Variants in ATP8A2 observed in about 807,000 individuals in gnomAD.
The protein encoded by ATP8A2 is phospholipid-transporting ATPase IB.
In ATP8A2, 100 loss-of-function variants were observed where a neutral mutation model predicts 165.6. The observed-to-expected ratio is 0.60, with a 90% CI of 0.51 to 0.71. The LOEUF is 0.71. Ranked by LOEUF, ATP8A2 falls within the 30% of genes least tolerant of loss-of-function variation. The pLI, the probability that ATP8A2 is intolerant of heterozygous loss-of-function variation, is 0.00. For missense variants in ATP8A2, 1,227 were observed against 1,479.5 expected (o/e 0.83, Z 2.80); for synonymous variants, 543 against 548.8 (o/e 0.99, Z 0.15).
intron 35 of ATP8A2, among the ~76,000 whole-genome samples, chr13:25,985,429 GA>G (rs1956260980): frequency 6.6e-6 from 1 of 152,158 alleles, no homozygotes; most frequent in African/African-American, 2.4e-5. Flanking sequence ...GGTTCTTAAA[GA>G]ACTCTTATGT....
intron 1 of ATP8A2, among the ~76,000 whole-genome samples, chr13:25,464,636 T>A (rs1455553944): frequency 6.6e-6 from 1 of 151,940 alleles, no homozygotes; most frequent in Non-Finnish European, 1.5e-5. Context: ...CAAGTAACCA[T>A]CCCTGGTCCA....
Position 25,523,260 on chromosome 13 carries a change from G to A in ATP8A2, c.222-6739G>A, listed in dbSNP as rs143976437. 3.9e-3 allele frequency among the ~76,000 whole-genome samples: 593 copies of A among 150,242 alleles called. 6 individuals are homozygous for A. Among genetic ancestry groups the A allele is most frequent in the Non-Finnish European group, 4.1e-3 (276 of 67,636 alleles). On this transcript the variant is annotated intron_variant, in intron 2 of 36. Coordinates refer to ENST00000381655, the MANE Select transcript of ATP8A2 (RefSeq NM_016529.6). ...CCGTGATCTTCAATTTTTTTTCAAG[G>A]CTTTAGGATAACTTTTTTTTTTTTT...
intron 24 of ATP8A2, among the ~76,000 whole-genome samples, chr13:25,674,549 G>A (rs1213477682): frequency 6.6e-6 from 1 of 152,168 alleles, no homozygotes; most frequent in Non-Finnish European, 1.5e-5. Flanking sequence ...GGGCTGCAGG[G>A]AAGTGGTGTA....
At chr13:25,888,073 C>A (rs892432693) in intron 33 of ATP8A2, among the ~76,000 whole-genome samples, 2 of 133,010 alleles carry the variant, frequency 1.5e-5, no homozygotes, top group Non-Finnish European at 1.6e-5. Context: ...CCCAGACCCC[C>A]CCCCCGCCCC....
chr13:25,450,948 G>A (rs1232477748), intron 1 of ATP8A2, among the ~76,000 whole-genome samples: 1 of 152,022 alleles, frequency 6.6e-6, no homozygotes, highest in Non-Finnish European at 1.5e-5. Flanking sequence ...AAAATATTTT[G>A]TTTGGTGATC....
chr13:25,774,861 G>A lies in ATP8A2; in HGVS notation c.2581G>A (p.Glu861Lys), dbSNP rs1253139886. 1 of 1,610,788 alleles carries A rather than the reference G, an allele frequency of 6.2e-7. No individual in the cohort carries two copies. The highest frequency in any genetic ancestry group is 8.5e-7 in the Non-Finnish European group (1 of 1,177,358). Residue 861 changes from glutamate to lysine, a missense_variant, in exon 27 of 37, where the codon GAG becomes AAG. Glu to Lys is a moderately conservative substitution (Grantham distance 56). Coordinates refer to ENST00000381655, the MANE Select transcript of ATP8A2 (RefSeq NM_016529.6). Reference sequence around the variant, plus strand: ...TTTCCTTTTTCAGTTTTCCTACTTAGAGAAGCTTCTGTTGGTTCATGGAGC... The same window carrying A: ...TTTCCTTTTTCAGTTTTCCTACTTAAAGAAGCTTCTGTTGGTTCATGGAGC... ...DYAIAQFSYL[E>K]KLLLVHGAWS...
At chr13:25,983,379 G>A (rs1270585251) in intron 35 of ATP8A2, among the ~76,000 whole-genome samples, 1 of 152,152 alleles carries the variant, frequency 6.6e-6, no homozygotes, top group Non-Finnish European at 1.5e-5. Flanking sequence ...ACCCAACTGA[G>A]AGGAGCACAG....
chr13:25,619,766 A>G (rs74041041), intron 24 of ATP8A2, among the ~76,000 whole-genome samples: 2,252 of 152,348 alleles, frequency 0.015, 63 homozygotes, highest in African/African-American at 0.052. Context: ...GTTTTTCTGT[A>G]AAGGATCTGC....
intron 2 of ATP8A2, among the ~76,000 whole-genome samples, chr13:25,491,861 T>G (rs775845540): frequency 3.1e-4 from 47 of 152,206 alleles, no homozygotes; most frequent in Non-Finnish European, 4.6e-4. Flanking sequence ...GATAGAGCAT[T>G]GGTTTTGTTA....
chr13:25,649,813 C>A (rs190188386), intron 24 of ATP8A2, among the ~76,000 whole-genome samples: 352 of 152,274 alleles, frequency 2.3e-3, no homozygotes, highest in African/African-American at 8.0e-3. Flanking sequence ...GTAGCACTTT[C>A]CACCTCTTCC....
chr13:25,838,532 C>G (rs1323255761), intron 29 of ATP8A2, among the ~76,000 whole-genome samples: 2 of 151,548 alleles, frequency 1.3e-5, no homozygotes, highest in South Asian at 2.1e-4. Flanking sequence ...GCTGAGAATG[C>G]ACGGAAACTT....
chr13:25,591,284 T>C, intron 24 of ATP8A2: 1 of 456,674 alleles, frequency 2.2e-6, no homozygotes, highest in South Asian at 1.5e-5. Context: ...ACCAAAATTC[T>C]GTGCCCCTTT....
chr13:25,796,557 G>C (rs1950502182), intron 27 of ATP8A2, among the ~76,000 whole-genome samples: 1 of 152,174 alleles, frequency 6.6e-6, no homozygotes, highest in Non-Finnish European at 1.5e-5. Context: ...ACCTACTGGG[G>C]AAGAGCCATT....
intron 27 of ATP8A2, among the ~76,000 whole-genome samples, chr13:25,792,986 G>A (rs2045219451): frequency 6.7e-6 from 1 of 149,934 alleles, no homozygotes; most frequent in Admixed American, 6.7e-5. Flanking sequence ...GAGAGGAGAG[G>A]AGGGATAGGG....
intron 27 of ATP8A2, among the ~76,000 whole-genome samples, chr13:25,790,027 A>G (rs563633838): frequency 1.3e-5 from 2 of 152,358 alleles, no homozygotes; most frequent in East Asian, 3.9e-4. Context: ...AGTCATATGC[A>G]GAAGATTGAA....
chr13:25,597,678 C>A (rs574445982), intron 24 of ATP8A2, among the ~76,000 whole-genome samples: 1 of 152,160 alleles, frequency 6.6e-6, no homozygotes, highest in Non-Finnish European at 1.5e-5. Flanking sequence ...TTAGCCAACA[C>A]CTTGATTACA....
At chr13:25,469,274 C>A (rs1394945821) in intron 2 of ATP8A2, among the ~76,000 whole-genome samples, 153 bp downstream of exon 2, 1 of 151,900 alleles carries the variant, frequency 6.6e-6, no homozygotes, top group Non-Finnish European at 1.5e-5. Context: ...CACTAGCCCG[C>A]GGTGCAGCCC....
intron 33 of ATP8A2, among the ~76,000 whole-genome samples, chr13:25,942,388 C>T (rs1955094443): frequency 6.6e-6 from 1 of 152,130 alleles, no homozygotes; most frequent in Admixed American, 6.5e-5. Context: ...TCTTTTAGTA[C>T]AAAAGTTTTC....
At chr13:25,382,652 T>C (rs1417614556) in intron 1 of ATP8A2, among the ~76,000 whole-genome samples, 1 of 152,238 alleles carries the variant, frequency 6.6e-6, no homozygotes, top group Non-Finnish European at 1.5e-5. Context: ...GGTGTCTCGT[T>C]ATTTAAATTT....
Sources: gnomAD v4.1 joint callset for allele counts (sites outside exome capture counted in the v4.1 genomes callset) on GRCh38, gnomAD v4.1.1 for gene constraint, MANE v1.5 for transcripts, NCBI Gene and HGNC (gene_info 2026-07-23, HGNC 2026-07-21) for gene names.